The following DIAPH3 variants were observed in gnomAD, a reference collection of about 807,000 sequenced individuals.
DIAPH3 encodes the protein protein diaphanous homolog 3.
DIAPH3 carries 117 observed loss-of-function variants against 144.3 expected under a neutral mutation model. The ratio of observed to expected loss-of-function variants is 0.81; its 90% CI spans 0.70 to 0.95. DIAPH3 has a LOEUF of 0.95. Ranked by LOEUF, DIAPH3 falls within the 40% of genes least tolerant of loss-of-function variation. The pLI, the probability that DIAPH3 is intolerant of heterozygous loss-of-function variation, is 0.00. For synonymous variants in DIAPH3, 519 were observed against 488.9 expected, an observed-to-expected ratio of 1.06 and a Z score of -0.81; for missense variants, 1,421 against 1,412.7, an observed-to-expected ratio of 1.01 and a Z score of -0.09.
intron 27 of DIAPH3, among the ~76,000 whole-genome samples, chr13:59,719,530 G>A (rs781143674): frequency 3.9e-5 from 6 of 151,994 alleles, no homozygotes; most frequent in Non-Finnish European, 5.9e-5. Flanking sequence ...ATTAGGCCAT[G>A]AGCAGCTATT....
chr13:59,983,834 C>G lies in DIAPH3; in HGVS notation c.1415G>C (p.Arg472Thr). The G allele has an allele frequency of 3.1e-6, 5 of 1,610,240 alleles. No homozygotes were observed. The highest frequency in any genetic ancestry group is 4.2e-6 in the Non-Finnish European group (5 of 1,177,442). Residue 472 changes from arginine (R) to threonine (T), a missense_variant, in exon 13 of 28, where the codon AGA becomes ACA. Physicochemically the swap from Arg to Thr is moderately conservative, Grantham distance 71. Coordinates refer to ENST00000400324, the MANE Select transcript of DIAPH3 (RefSeq NM_001042517.2). ...TGTGAAGTCTGGATCCATTCCATCT[C>G]TATGCAATACAATCTGGGATACACA... Reference protein sequence around the residue: ...DECVSQIVLHRDGMDPDFTYR... With the variant: ...DECVSQIVLHTDGMDPDFTYR...
At position 59,748,124 on chromosome 13, in the gene DIAPH3, T is replaced by C. The variant is rs540516943; in HGVS notation, c.3319+26065A>G. Among the ~76,000 whole-genome samples the C allele has an allele frequency of 3.9e-5, 6 of 152,146 alleles. No homozygotes were observed. The East Asian group carries it at 1.2e-3, about 29-fold the overall frequency. On this transcript the variant is annotated intron_variant, in intron 27 of 27. Coordinates refer to ENST00000400324, the MANE Select transcript of DIAPH3 (RefSeq NM_001042517.2). ...TGCCCCTGGAACAACGTTGGTAGAG[T>C]TCCGGGTACCAAAAGAGCTGCTTTC...
chr13:60,049,614 T>C (rs1414000960), intron 4 of DIAPH3, among the ~76,000 whole-genome samples: 5 of 152,204 alleles, frequency 3.3e-5, no homozygotes, highest in African/African-American at 1.2e-4. Context: ...TCCCCCAGTC[T>C]ATGGATTCAT....
chr13:60,113,581 C>T (rs993992977), intron 2 of DIAPH3, among the ~76,000 whole-genome samples: 2 of 152,144 alleles, frequency 1.3e-5, no homozygotes, highest in South Asian at 2.1e-4. Context: ...AGAAAGTTGT[C>T]ATAAAACACC....
intron 27 of DIAPH3, among the ~76,000 whole-genome samples, chr13:59,719,301 T>A (rs1397590509): frequency 6.6e-6 from 1 of 152,238 alleles, no homozygotes; most frequent in Non-Finnish European, 1.5e-5. Context: ...ACATTTTTAC[T>A]TAGTGAAGAT....
intron 25 of DIAPH3, among the ~76,000 whole-genome samples, chr13:59,804,750 TA>T (rs1289298519): frequency 6.6e-6 from 1 of 152,096 alleles, no homozygotes; most frequent in Admixed American, 6.5e-5. Flanking sequence ...CCAATAACAC[TA>T]AAAAACTGAA....
At chr13:59,891,283 A>C (rs9570226) in intron 20 of DIAPH3, among the ~76,000 whole-genome samples, 78,340 of 151,768 alleles carry the variant, frequency 0.52, 21,606 homozygotes, top group Non-Finnish European at 0.6. Context: ...ATTTCAAATG[A>C]ATGATGCATG....
rs115840759 is a variant in DIAPH3, at chr13:59,702,540, T to C, written c.3320-35694A>G. Among the ~76,000 whole-genome samples the C allele has an allele frequency of 5.3e-3, 806 of 152,268 alleles. 5 individuals are homozygous for C. Among genetic ancestry groups the C allele is most frequent in the African/African-American group, 0.018 (764 of 41,548 alleles). On this transcript the variant is annotated intron_variant, in intron 27 of 27. Coordinates refer to ENST00000400324, the MANE Select transcript of DIAPH3 (RefSeq NM_001042517.2). ...CACGCACACAAACCTTCCCTGACCT[T>C]TCACACTGCACTTACAAAGGCATTA... is the stretch of plus-strand genomic sequence containing the variant.
chr13:60,007,081 T>C (rs2052923520), intron 9 of DIAPH3, among the ~76,000 whole-genome samples: 1 of 151,954 alleles, frequency 6.6e-6, no homozygotes, highest in South Asian at 2.1e-4. Context: ...AGTCAGAGTC[T>C]CGCTCAGTCA....
intron 21 of DIAPH3, among the ~76,000 whole-genome samples, chr13:59,862,526 T>C (rs529949619): frequency 3.3e-5 from 5 of 152,130 alleles, no homozygotes; most frequent in South Asian, 2.1e-4. Flanking sequence ...AATGAGACCA[T>C]GTGGGTGTGG....
chr13:60,051,515 G>A (rs963910184), intron 4 of DIAPH3, among the ~76,000 whole-genome samples: 1 of 152,164 alleles, frequency 6.6e-6, no homozygotes, highest in African/African-American at 2.4e-5. Context: ...AGCTACTTGG[G>A]AGGCTGAGGC....
intron 17 of DIAPH3, among the ~76,000 whole-genome samples, chr13:59,961,910 TTAA>T (rs1171244286): frequency 6.6e-6 from 1 of 152,224 alleles, no homozygotes; most frequent in Admixed American, 6.5e-5. Flanking sequence ...TATTATCTAA[TTAA>T]TGAGTTTCAT....
At chr13:59,833,435 A>C (rs1451888482) in intron 23 of DIAPH3, among the ~76,000 whole-genome samples, 164 bp from the exon 24 acceptor site, 1 of 151,794 alleles carries the variant, frequency 6.6e-6, no homozygotes, top group East Asian at 1.9e-4. Context: ...TCTATACTAC[A>C]TAGCAACAAA....
At chr13:60,142,673 C>G (rs143309862) in intron 1 of DIAPH3, among the ~76,000 whole-genome samples, 6 of 152,110 alleles carry the variant, frequency 3.9e-5, no homozygotes, top group Admixed American at 3.3e-4. Context: ...CAGCTCCTAC[C>G]ATCAGGGACT....
At chr13:59,866,227 A>G (rs891468846) in intron 21 of DIAPH3, among the ~76,000 whole-genome samples, 5 of 152,018 alleles carry the variant, frequency 3.3e-5, no homozygotes, top group Non-Finnish European at 7.4e-5. Flanking sequence ...TAAGTGCTTA[A>G]AACATTACAA....
At chr13:60,134,033 G>C (rs1269066892) in intron 1 of DIAPH3, among the ~76,000 whole-genome samples, 1 of 152,186 alleles carries the variant, frequency 6.6e-6, no homozygotes, top group Non-Finnish European at 1.5e-5. Context: ...CTACCTCAGT[G>C]ATGATCCAGA....
intron 27 of DIAPH3, among the ~76,000 whole-genome samples, chr13:59,711,310 C>A (rs979714275): frequency 6.6e-6 from 1 of 152,174 alleles, no homozygotes; most frequent in Non-Finnish European, 1.5e-5. Flanking sequence ...CACAGCCCTT[C>A]TGAGCATCCT....
At chr13:60,151,254 T>A (rs1157789736) in intron 1 of DIAPH3, among the ~76,000 whole-genome samples, 1 of 152,226 alleles carries the variant, frequency 6.6e-6, no homozygotes, top group Non-Finnish European at 1.5e-5. Flanking sequence ...GTAACATGTG[T>A]TAACTCAACT....
chr13:59,953,951 C>A (rs1180341872), intron 17 of DIAPH3, among the ~76,000 whole-genome samples: 2 of 152,158 alleles, frequency 1.3e-5, no homozygotes, highest in Non-Finnish European at 2.9e-5. Flanking sequence ...AAGGCTATCG[C>A]TGTTTCTAAG....
Sources: allele counts gnomAD v4.1 joint callset (sites outside exome capture counted in the v4.1 genomes callset), GRCh38; gene constraint gnomAD v4.1.1; transcripts MANE v1.5; gene names NCBI Gene and HGNC (gene_info 2026-07-23, HGNC 2026-07-21).